CABCOCO1: variants seen among roughly 807,000 people sequenced by gnomAD.
CABCOCO1 encodes the protein ciliary associated calcium binding coiled-coil 1.
CABCOCO1 carries 28 observed loss-of-function variants against 35.7 expected under a neutral mutation model. The observed-to-expected ratio is 0.78, with a 90% CI of 0.58 to 1.07. The LOEUF (loss-of-function observed/expected upper bound fraction) is 1.07, where lower values mean the gene tolerates loss of function less well. Ranked by LOEUF, CABCOCO1 falls within the 50% of genes least tolerant of loss-of-function variation. The pLI, the probability that CABCOCO1 is intolerant of heterozygous loss-of-function variation, is 0.00. For synonymous variants in CABCOCO1, 95 were observed against 100.1 expected (o/e 0.95, Z 0.30); for missense variants, 326 against 309.2 (o/e 1.05, Z -0.41).
In CABCOCO1 at chr10:61,694,695, C is replaced by T. The variant is rs1299158352; in HGVS notation, c.552+4074C>T. Among the ~76,000 whole-genome samples the T allele has an allele frequency of 2.0e-5, 3 of 151,968 alleles. No individual in the cohort carries two copies. The South Asian group carries it at 6.2e-4, about 32-fold the overall frequency. The stretch of plus-strand genomic sequence containing the variant: ...CAAAAAAGATTATGAGCCTGACACT[C>T]AGAAATGCTTTCTATCTATGGGCAT... On this transcript the variant is annotated intron_variant, in intron 5 of 7. Transcript: ENST00000648843.
intron 5 of CABCOCO1, among the ~76,000 whole-genome samples, chr10:61,720,005 G>A (rs1031561112): frequency 2.6e-5 from 4 of 151,522 alleles, no homozygotes; most frequent in Non-Finnish European, 5.9e-5. Context: ...AGGATTGCCA[G>A]AGAGCCAAGA....
At chr10:61,707,537 T>C (rs1840623421) in intron 5 of CABCOCO1, among the ~76,000 whole-genome samples, 1 of 152,152 alleles carries the variant, frequency 6.6e-6, no homozygotes, top group Non-Finnish European at 1.5e-5. Flanking sequence ...GGGGAGGTTT[T>C]CATCATCACT....
At chr10:61,684,693 A>G (rs1340955190) in intron 3 of CABCOCO1, among the ~76,000 whole-genome samples, 3 of 152,030 alleles carry the variant, frequency 2.0e-5, no homozygotes. Context: ...TGGCTTTAGT[A>G]TCTTTCTACT....
chr10:61,671,001 G>C (rs1839339805), intron 1 of CABCOCO1, among the ~76,000 whole-genome samples: 1 of 152,190 alleles, frequency 6.6e-6, no homozygotes, highest in Admixed American at 6.5e-5. Context: ...TTAAAAACTA[G>C]CATAGTCTTC....
At chr10:61,686,551 A>G (rs1371897387) in intron 4 of CABCOCO1, among the ~76,000 whole-genome samples, 1 of 152,050 alleles carries the variant, frequency 6.6e-6, no homozygotes. Context: ...ATTATAATAG[A>G]CTCTATGTTT....
intron 3 of CABCOCO1, chr10:61,685,458 T>G (rs1352794316): frequency 6.6e-6 from 1 of 152,260 alleles, no homozygotes. Context: ...AGAAAGATTT[T>G]AAAGTACATT....
At chr10:61,739,023 GT>G in intron 5 of CABCOCO1, among the ~76,000 whole-genome samples, 1 of 152,076 alleles carries the variant, frequency 6.6e-6, no homozygotes, top group East Asian at 1.9e-4. Flanking sequence ...ATCTCAACTT[GT>G]AACCTTTTAT....
chr10:61,727,080 A>G (rs943140170), intron 5 of CABCOCO1, among the ~76,000 whole-genome samples: 2 of 152,036 alleles, frequency 1.3e-5, no homozygotes, highest in Non-Finnish European at 2.9e-5. Flanking sequence ...AAAAAATGTT[A>G]TAATAATAAG....
chr10:61,681,835 T>C (rs750365183), intron 3 of CABCOCO1, among the ~76,000 whole-genome samples: 3 of 152,124 alleles, frequency 2.0e-5, no homozygotes, highest in Non-Finnish European at 2.9e-5. Flanking sequence ...TTCATTTGTG[T>C]ATACACAAAG....
chr10:61,722,370 T>A (rs1210240518), intron 5 of CABCOCO1, among the ~76,000 whole-genome samples: 1 of 152,188 alleles, frequency 6.6e-6, no homozygotes, highest in African/African-American at 2.4e-5. Flanking sequence ...GCAAATTTTT[T>A]AATTTACTGG....
chr10:61,713,648 T>C (rs1428892233), intron 5 of CABCOCO1, among the ~76,000 whole-genome samples: 3 of 152,192 alleles, frequency 2.0e-5, no homozygotes, highest in Non-Finnish European at 2.9e-5. Flanking sequence ...GCTGTGGGTT[T>C]GTCATAAATA....
chr10:61,717,805 G>A (rs1564546086), intron 5 of CABCOCO1, among the ~76,000 whole-genome samples: 1 of 152,170 alleles, frequency 6.6e-6, no homozygotes, highest in Non-Finnish European at 1.5e-5. Flanking sequence ...GGCCTTCAGA[G>A]AAGGGCAGAA....
intron 5 of CABCOCO1, among the ~76,000 whole-genome samples, chr10:61,726,271 C>G (rs1167804036): frequency 6.6e-6 from 1 of 152,134 alleles, no homozygotes; most frequent in Non-Finnish European, 1.5e-5. Flanking sequence ...ATTAAGTACA[C>G]ATTTGTACAT....
intron 2 of CABCOCO1, among the ~76,000 whole-genome samples, chr10:61,678,641 A>T (rs1213954753): frequency 2.0e-5 from 3 of 152,132 alleles, no homozygotes; most frequent in Admixed American, 6.6e-5. Flanking sequence ...AATAAGGCTT[A>T]ATCTTAGAAC....
At chr10:61,672,611 C>T (rs1589109995) in intron 1 of CABCOCO1, 21 bp from the exon 2 acceptor site, 1 of 672,264 alleles carries the variant, frequency 1.5e-6, no homozygotes, top group Non-Finnish European at 1.8e-6. Context: ...AAGTAACTCA[C>T]TCCACATTGT....
chr10:61,683,838 T>A (rs1839873480), intron 3 of CABCOCO1, among the ~76,000 whole-genome samples: 1 of 152,176 alleles, frequency 6.6e-6, no homozygotes, highest in South Asian at 2.1e-4. Flanking sequence ...AAAGCAATTA[T>A]CTACAGAAAG....
chr10:61,709,647 G>T (rs1291126001), intron 5 of CABCOCO1, among the ~76,000 whole-genome samples: 11 of 145,394 alleles, frequency 7.6e-5, no homozygotes, highest in African/African-American at 2.7e-4. Flanking sequence ...TTTTTTTAAA[G>T]TCATTTAAAT....
intron 5 of CABCOCO1, among the ~76,000 whole-genome samples, chr10:61,730,874 G>A (rs1010607059): frequency 7.3e-5 from 11 of 151,722 alleles, no homozygotes; most frequent in African/African-American, 2.4e-4. Context: ...GCCCCAAAGA[G>A]GGAGATTCTA....
chr10:61,680,701 T>TCTCAGAATATTTAACAATTTA lies in CABCOCO1; in HGVS notation c.165-442_165-441insCTCAGAATATTTAACAATTTA, dbSNP rs1839753633. 2.5e-5 allele frequency among the ~76,000 whole-genome samples: 3 copies of TCTCAGAATATTTAACAATTTA among 121,876 alleles called. 1 individual carries two copies. In the Admixed American group the frequency reaches 2.7e-4, roughly 11 times the overall value. 80.0% of individuals were successfully genotyped at this position (121,876 alleles called of 152,430 possible). On this transcript the variant is annotated intron_variant, in intron 2 of 7. Coordinates refer to ENST00000648843, the MANE Select transcript of CABCOCO1 (RefSeq NM_001366906.2). ...ATGTTATACATGTATAACATATATA[T>TCTCAGAATATTTAACAATTTA]GTTATACATGTATAACATATATATT... is the stretch of plus-strand genomic sequence containing the variant.
Sources: allele counts gnomAD v4.1 joint callset (sites outside exome capture counted in the v4.1 genomes callset), GRCh38; gene constraint gnomAD v4.1.1; transcripts MANE v1.5; gene names NCBI Gene and HGNC (gene_info 2026-07-23, HGNC 2026-07-21).